The following HOATZ variants were observed in gnomAD, a reference collection of about 807,000 sequenced individuals.
The protein encoded by HOATZ is HOATZ cilia and flagella associated protein.
Under a neutral mutation model 24.9 loss-of-function variants are expected in HOATZ, and 26 were observed. The ratio of observed to expected loss-of-function variants is 1.04; its 90% confidence interval spans 0.76 to 1.45. The LOEUF (loss-of-function observed/expected upper bound fraction) is 1.45. Ranked by LOEUF, HOATZ falls within the 40% of genes most tolerant of loss-of-function variation. The probability of loss-of-function intolerance (pLI) is 0.00; values close to 1 mark genes in which losing one functional copy is unlikely to be tolerated. For synonymous variants in HOATZ, 83 were observed against 76.6 expected (o/e 1.08, Z -0.43); for missense variants, 226 against 201.5 (o/e 1.12, Z -0.74).
intron 3 of HOATZ, among the ~76,000 whole-genome samples, chr11:111,523,960 TGTTTCTCCTGTAGCTTCCAA>T (rs1867301750): frequency 6.6e-6 from 1 of 152,238 alleles, no homozygotes; most frequent in African/African-American, 2.4e-5. Context: ...GTCATTGCTC[TGTTTCTCCTGTAGCTTCCAA>T]GTTTCTTAAG....
At chr11:111,536,054 A>C (rs946571022) in intron 5 of HOATZ, 8 of 151,178 alleles carry the variant, frequency 5.3e-5, no homozygotes, top group Admixed American at 5.2e-4. Flanking sequence ...TCATTATTTA[A>C]CTTTTCTCAT....
intron 4 of HOATZ, 91 bp downstream of exon 4, chr11:111,533,896 TCTAG>T: frequency 1.1e-6 from 1 of 889,314 alleles, no homozygotes; most frequent in South Asian, 2.0e-5. Context: ...AACCCTTAAA[TCTAG>T]CTAGCTATAG....
intron 2 of HOATZ, 120 bp from the exon 3 acceptor site, chr11:111,515,920 A>G (rs540732253): frequency 1.5e-6 from 1 of 646,374 alleles, no homozygotes; most frequent in African/African-American, 1.9e-5. Flanking sequence ...CACCACATGT[A>G]TTTTTGTTTA....
intron 3 of HOATZ, among the ~76,000 whole-genome samples, chr11:111,524,203 C>T (rs1254018628): frequency 6.6e-6 from 1 of 152,154 alleles, no homozygotes; most frequent in East Asian, 1.9e-4. Context: ...GACCCAGAGG[C>T]CTCAGACTCA....
At chr11:111,517,381 A>G (rs936497189) in intron 3 of HOATZ, among the ~76,000 whole-genome samples, 2 of 152,194 alleles carry the variant, frequency 1.3e-5, no homozygotes, top group Non-Finnish European at 2.9e-5. Context: ...GTTAAAGACA[A>G]ACTATTATAA....
rs115858471 is a variant in HOATZ, at chr11:111,532,410, G to A, written c.340-1336G>A. On this transcript the variant is annotated intron_variant, in intron 3 of 5. Coordinates refer to ENST00000375618, the MANE Select transcript of HOATZ (RefSeq NM_001100388.2). ...TGAAATTAGTTAAGATGAGGCCATA[G>A]TGGAGTAGGTTGTGCACCTAATCCA... 7.6e-3 allele frequency among the ~76,000 whole-genome samples: 1,153 copies of A among 152,282 alleles called. 23 individuals are homozygous for A. The highest frequency in any genetic ancestry group is 0.026 in the African/African-American group (1,070 of 41,548).
At chr11:111,522,730 G>A (rs1001857668) in intron 3 of HOATZ, among the ~76,000 whole-genome samples, 5 of 152,016 alleles carry the variant, frequency 3.3e-5, no homozygotes, top group Non-Finnish European at 5.9e-5. Context: ...TTCCTTATGT[G>A]CAAATTTGCC....
intron 4 of HOATZ, 30 bp from the exon 5 acceptor site, chr11:111,534,382 C>T: frequency 1.3e-6 from 2 of 1,560,290 alleles, no homozygotes; most frequent in Non-Finnish European, 1.8e-6. Flanking sequence ...AAAATTTTAC[C>T]TTTTTGATTT....
intron 3 of HOATZ, among the ~76,000 whole-genome samples, chr11:111,532,141 G>A (rs1031988702): frequency 1.8e-4 from 27 of 152,110 alleles, no homozygotes; most frequent in African/African-American, 5.3e-4. Flanking sequence ...TTGATCTTCA[G>A]TTCGTTCATC....
At chr11:111,526,066 C>T (rs1867335587) in intron 3 of HOATZ, among the ~76,000 whole-genome samples, 3 of 152,006 alleles carry the variant, frequency 2.0e-5, no homozygotes, top group African/African-American at 7.2e-5. Flanking sequence ...GAAGAGCGGG[C>T]ATTAACTAGG....
intron 3 of HOATZ, 133 bp from the exon 4 acceptor site, chr11:111,533,612 TG>T: frequency 1.8e-6 from 1 of 567,098 alleles, no homozygotes; most frequent in East Asian, 3.4e-5. Context: ...CAAACAAAAA[TG>T]TATAAATATA....
chr11:111,534,770 G>A, intron 5 of HOATZ: 1 of 289,430 alleles, frequency 3.5e-6, no homozygotes, highest in South Asian at 6.1e-5. Flanking sequence ...CCATCATCAT[G>A]CCCTCCTGAC....
chr11:111,515,640 T>C, intron 2 of HOATZ, 88 bp downstream of exon 2: 1 of 1,140,506 alleles, frequency 8.8e-7, no homozygotes, highest in East Asian at 2.4e-5. Flanking sequence ...TACTTTACAC[T>C]GTGGTATAAC....
intron 3 of HOATZ, among the ~76,000 whole-genome samples, chr11:111,517,717 T>C (rs1039015086): frequency 1.1e-4 from 16 of 152,160 alleles, no homozygotes; most frequent in African/African-American, 3.9e-4. Context: ...TGAGAACACA[T>C]TGAGGGACAT....
rs1867197533 is a variant in HOATZ at position 111,516,212 on chromosome 11, A to C, written c.339+102A>C. The stretch of plus-strand genomic sequence containing the variant: ...TTTAAAAATCTGCTACTTCTAGTGC[A>C]TCAGCTTGAGCAAATTAAGGAAACC... On this transcript the variant is annotated intron_variant, in intron 3 of 5. Coordinates refer to ENST00000375618, the MANE Select transcript of HOATZ (RefSeq NM_001100388.2). 3 of 663,750 alleles carry C rather than the reference A, an allele frequency of 4.5e-6. No homozygotes were observed. The East Asian group carries it at 8.5e-5, about 19-fold the overall frequency. 41.1% of individuals were successfully genotyped at this position (663,750 alleles called of 1,614,324 possible).
intron 2 of HOATZ, 94 bp from the exon 3 acceptor site, chr11:111,515,946 T>C: frequency 2.5e-6 from 2 of 813,286 alleles, no homozygotes; most frequent in Non-Finnish European, 2.0e-6. Context: ...CTACTCTATG[T>C]ATTCCCTTTC....
chr11:111,526,391 G>T (rs1029072979), intron 3 of HOATZ, among the ~76,000 whole-genome samples: 1 of 152,210 alleles, frequency 6.6e-6, no homozygotes, highest in African/African-American at 2.4e-5. Flanking sequence ...AGGAGGTGAT[G>T]CGATGTGAAT....
At chr11:111,533,710 G>A (rs1298372094) in intron 3 of HOATZ, 36 bp from the exon 4 acceptor site, 2 of 1,471,538 alleles carry the variant, frequency 1.4e-6, no homozygotes, top group Non-Finnish European at 1.9e-6. Context: ...CTTTATTATT[G>A]AATCGAGACA....
chr11:111,521,632 T>A (rs974589436), intron 3 of HOATZ, among the ~76,000 whole-genome samples: 3 of 152,220 alleles, frequency 2.0e-5, no homozygotes, highest in Non-Finnish European at 4.4e-5. Flanking sequence ...AAAAGTTGTT[T>A]AGTCATTTAA....
Sources: gnomAD v4.1 joint callset for allele counts (sites outside exome capture counted in the v4.1 genomes callset) on GRCh38, gnomAD v4.1.1 for gene constraint, MANE v1.5 for transcripts, NCBI Gene and HGNC (gene_info 2026-07-23, HGNC 2026-07-21) for gene names.